Variants in WWOX observed in about 807,000 individuals in gnomAD.
WWOX encodes WW domain-containing oxidoreductase.
Under a neutral mutation model 46.2 loss-of-function variants are expected in WWOX, and 69 were observed. The ratio of observed to expected loss-of-function variants is 1.49; its 90% CI spans 1.23 to 1.82. WWOX has a LOEUF of 1.82. Among genes scored for constraint, WWOX ranks in the 40% most tolerant of loss-of-function variants. The pLI, the probability that WWOX is intolerant of heterozygous loss-of-function variation, is 0.00. For synonymous variants in WWOX, 359 were observed against 202.6 expected (o/e 1.77, Z -6.56); for missense variants, 919 against 542.6 (o/e 1.69, Z -6.89).
intron 8 of WWOX, among the ~76,000 whole-genome samples, chr16:78,517,028 A>G (rs2151493197): frequency 6.6e-6 from 1 of 152,156 alleles, no homozygotes; most frequent in Admixed American, 6.5e-5. Context: ...TTTTAACTGC[A>G]TTATTTGTTT....
intron 6 of WWOX, among the ~76,000 whole-genome samples, chr16:78,420,878 TG>T: frequency 6.6e-6 from 1 of 152,126 alleles, no homozygotes; most frequent in Non-Finnish European, 1.5e-5. Context: ...AAAGTAATCC[TG>T]ACTGTATATC....
chr16:78,987,852 G>A (rs1157467313), intron 8 of WWOX, among the ~76,000 whole-genome samples: 3 of 152,150 alleles, frequency 2.0e-5, no homozygotes, highest in African/African-American at 7.2e-5. Flanking sequence ...TTTAAACAGT[G>A]AATCAGCCCT....
intron 8 of WWOX, among the ~76,000 whole-genome samples, chr16:79,128,194 T>A (rs140008064): frequency 6.6e-6 from 1 of 152,328 alleles, no homozygotes; most frequent in Non-Finnish European, 1.5e-5. Context: ...CCTGCCAGAA[T>A]CATTTGAGCA....
At chr16:78,755,808 G>T (rs1399784707) in intron 8 of WWOX, among the ~76,000 whole-genome samples, 1 of 152,110 alleles carries the variant, frequency 6.6e-6, no homozygotes, top group Non-Finnish European at 1.5e-5. Flanking sequence ...TCTCACTTTC[G>T]CCATTTAATA....
At chr16:78,151,059 T>TTA (rs397792067) in intron 4 of WWOX, among the ~76,000 whole-genome samples, 1 of 151,050 alleles carries the variant, frequency 6.6e-6, no homozygotes, top group Non-Finnish European at 1.5e-5. Context: ...TTTTTTTTTT[T>TTA]AGAGATGGGA....
chr16:79,061,932 G>C (rs1400382741), intron 8 of WWOX, among the ~76,000 whole-genome samples: 1 of 152,162 alleles, frequency 6.6e-6, no homozygotes, highest in Non-Finnish European at 1.5e-5. Context: ...CTGTGATATT[G>C]GGAAAGTGGG....
chr16:78,380,303 G>A (rs1255318743), intron 5 of WWOX, among the ~76,000 whole-genome samples: 1 of 152,170 alleles, frequency 6.6e-6, no homozygotes, highest in Admixed American at 6.5e-5. Flanking sequence ...CTTGCGTTGG[G>A]CTGAATCATG....
At chr16:78,288,079 A>C (rs2079799187) in intron 5 of WWOX, among the ~76,000 whole-genome samples, 2 of 152,102 alleles carry the variant, frequency 1.3e-5, no homozygotes, top group African/African-American at 4.8e-5. Context: ...TAACTGTGCA[A>C]TTTAAGTAAT....
chr16:78,984,682 C>A (rs745606167), intron 8 of WWOX, among the ~76,000 whole-genome samples: 3 of 152,196 alleles, frequency 2.0e-5, no homozygotes, highest in African/African-American at 2.4e-5. Context: ...TAGGAACCTT[C>A]TACCAAAAAT....
intron 8 of WWOX, among the ~76,000 whole-genome samples, chr16:78,983,867 A>ATTGT (rs1597237492): frequency 1.9e-5 from 1 of 53,852 alleles, no homozygotes; most frequent in African/African-American, 5.0e-5. Context: ...TATGAGAGCT[A>ATTGT]TTCTTTTTTT....
At chr16:78,429,513 G>C (rs959540878) in intron 7 of WWOX, among the ~76,000 whole-genome samples, 1 of 152,140 alleles carries the variant, frequency 6.6e-6, no homozygotes, top group Non-Finnish European at 1.5e-5. Context: ...TGCCAAGAAG[G>C]GTTTCTGGAA....
intron 8 of WWOX, among the ~76,000 whole-genome samples, chr16:78,732,432 A>G (rs2048991516): frequency 6.6e-6 from 1 of 152,202 alleles, no homozygotes; most frequent in African/African-American, 2.4e-5. Context: ...ATAGGAAGCC[A>G]ACAACTGAGC....
intron 8 of WWOX, among the ~76,000 whole-genome samples, chr16:79,125,139 A>G: frequency 6.6e-6 from 1 of 152,120 alleles, no homozygotes; most frequent in East Asian, 1.9e-4. Context: ...TCAGTTTGAA[A>G]AGAAATCCTG....
chr16:78,322,093 A>G (rs1249223376), intron 5 of WWOX, among the ~76,000 whole-genome samples: 2 of 152,130 alleles, frequency 1.3e-5, no homozygotes, highest in East Asian at 1.9e-4. Context: ...AATGGTTTCA[A>G]TTTCATCCTA....
At chr16:79,096,750 T>G (rs2150618697) in intron 8 of WWOX, among the ~76,000 whole-genome samples, 1 of 152,328 alleles carries the variant, frequency 6.6e-6, no homozygotes, top group African/African-American at 2.4e-5. Context: ...TCACCTGTTT[T>G]GTTTATGCCT....
intron 8 of WWOX, among the ~76,000 whole-genome samples, chr16:79,166,502 C>T (rs2050597329): frequency 6.6e-6 from 1 of 152,136 alleles, no homozygotes; most frequent in African/African-American, 2.4e-5. Context: ...AGTTCAGAAC[C>T]ACACCATACG....
chr16:78,315,441 G>A (rs2080339223), intron 5 of WWOX, among the ~76,000 whole-genome samples: 1 of 152,152 alleles, frequency 6.6e-6, no homozygotes, highest in Admixed American at 6.5e-5. Flanking sequence ...TTGAGGTTAG[G>A]AGTTCGAGAC....
intron 8 of WWOX, among the ~76,000 whole-genome samples, chr16:78,617,333 C>G (rs1349936380): frequency 1.3e-5 from 2 of 149,480 alleles, no homozygotes; most frequent in South Asian, 2.1e-4. Flanking sequence ...GCCCAGGAGG[C>G]AGAGGTTGCA....
At chr16:79,012,831 C>A (rs1032204812) in intron 8 of WWOX, among the ~76,000 whole-genome samples, 2 of 152,242 alleles carry the variant, frequency 1.3e-5, no homozygotes, top group African/African-American at 2.4e-5. Flanking sequence ...CCTGCCCCAC[C>A]AACATGGCCC....
Sources: allele counts gnomAD v4.1 joint callset (sites outside exome capture counted in the v4.1 genomes callset), GRCh38; gene constraint gnomAD v4.1.1; transcripts MANE v1.5; gene names NCBI Gene and HGNC (gene_info 2026-07-23, HGNC 2026-07-21).